The following ASIC2 variants were observed in gnomAD, a reference collection of about 807,000 sequenced individuals.
ASIC2 encodes acid-sensing ion channel 2.
ASIC2 carries 25 observed loss-of-function variants against 57.3 expected under a neutral mutation model. The ratio of observed to expected loss-of-function variants is 0.44; its 90% CI spans 0.32 to 0.61. The LOEUF (loss-of-function observed/expected upper bound fraction) is 0.61, where lower values mean the gene tolerates loss of function less well. Among genes scored for constraint, ASIC2 ranks in the 20% least tolerant of loss-of-function variants. The pLI is 0.06. For synonymous variants in ASIC2, 319 were observed against 307.5 expected, an observed-to-expected ratio of 1.04 and a Z score of -0.39; for missense variants, 641 against 738.1, an observed-to-expected ratio of 0.87 and a Z score of 1.52.
chr17:33,836,794 A>G (rs1913286943), intron 1 of ASIC2, among the ~76,000 whole-genome samples: 1 of 152,138 alleles, frequency 6.6e-6, no homozygotes, highest in Non-Finnish European at 1.5e-5. Context: ...CGGAGTTTAC[A>G]GTAAGCCAAG....
chr17:33,173,943 G>A (rs2142051407), intron 1 of ASIC2, among the ~76,000 whole-genome samples: 1 of 152,214 alleles, frequency 6.6e-6, no homozygotes, highest in African/African-American at 2.4e-5. Context: ...TTGAAGTGTT[G>A]AGCTGCTCCA....
At chr17:33,358,767 T>C (rs1239564247) in intron 1 of ASIC2, among the ~76,000 whole-genome samples, 1 of 152,216 alleles carries the variant, frequency 6.6e-6, no homozygotes, top group South Asian at 2.1e-4. Flanking sequence ...TTTATAGTAA[T>C]GGAAAATAGT....
At chr17:33,058,889 T>C (rs889766564) in intron 3 of ASIC2, among the ~76,000 whole-genome samples, 1 of 152,164 alleles carries the variant, frequency 6.6e-6, no homozygotes, top group Non-Finnish European at 1.5e-5. Flanking sequence ...GCAATTCAAG[T>C]GTTCAACAAT....
At chr17:33,767,342 G>A (rs921893528) in intron 1 of ASIC2, among the ~76,000 whole-genome samples, 3 of 152,218 alleles carry the variant, frequency 2.0e-5, no homozygotes, top group Admixed American at 6.5e-5. Context: ...TGATGTTGAA[G>A]GAAACTCACT....
At chr17:33,184,653 T>A (rs1906117374) in intron 1 of ASIC2, among the ~76,000 whole-genome samples, 1 of 152,126 alleles carries the variant, frequency 6.6e-6, no homozygotes, top group Non-Finnish European at 1.5e-5. Flanking sequence ...GCCCCTCAAC[T>A]CCACTTCCAT....
At chr17:33,223,626 T>A (rs1376010527) in intron 1 of ASIC2, among the ~76,000 whole-genome samples, 1 of 152,248 alleles carries the variant, frequency 6.6e-6, no homozygotes, top group Admixed American at 6.5e-5. Context: ...AAAAAGGGAA[T>A]CTGACTGGCG....
chr17:33,796,109 T>C (rs552359635), intron 1 of ASIC2, among the ~76,000 whole-genome samples: 84 of 152,222 alleles, frequency 5.5e-4, no homozygotes, highest in Non-Finnish European at 1.0e-3. Context: ...GGCTTCTTCT[T>C]GCCCTTGGTT....
chr17:33,989,360 C>A (rs1185688047), intron 1 of ASIC2, among the ~76,000 whole-genome samples: 1 of 151,960 alleles, frequency 6.6e-6, no homozygotes, highest in South Asian at 2.1e-4. Flanking sequence ...CAGAAGGACA[C>A]GGCAAAGGTG....
At chr17:33,318,686 TC>T (rs1440143304) in intron 1 of ASIC2, among the ~76,000 whole-genome samples, 1 of 152,082 alleles carries the variant, frequency 6.6e-6, no homozygotes, top group Non-Finnish European at 1.5e-5. Context: ...GGAAGGTAAA[TC>T]CCCTGAGATC....
rs1356302162 is a variant in ASIC2, at chr17:33,436,853, C to CTTCTTTT, written c.556-324787_556-324786insAAAAGAA. Among the ~76,000 whole-genome samples the CTTCTTTT allele has an allele frequency of 7.6e-3, 503 of 66,572 alleles. 36 individuals are homozygous for CTTCTTTT. The highest frequency in any genetic ancestry group is 0.011 in the South Asian group (17 of 1,568). The allele number at this position is 66,572 out of a possible 152,430, so 43.7% of individuals were successfully genotyped here. ...AATGCCTTAAAACACATTCCAACTT[C>CTTCTTTT]TTTTTTTTTTTTTTTTTTTTTTTTT... On this transcript the variant is annotated intron_variant, in intron 1 of 9. Transcript: ENST00000359872.
rs186168278 is a variant in ASIC2, at chr17:33,820,626, A to T, written c.555+335352T>A. ...TAAGTTTACAAAGCTAAAGAGTATT[A>T]AAAAACATTTGCATTCTGAAATTAA... On this transcript the variant is annotated intron_variant, in intron 1 of 9. Coordinates refer to the ASIC2 transcript ENST00000359872. 3.2e-4 allele frequency among the ~76,000 whole-genome samples: 49 copies of T among 152,350 alleles called. No individual in the cohort carries two copies. In the East Asian group the frequency reaches 9.2e-3, roughly 29 times the overall value.
At chr17:33,266,576 G>C (rs1909468146) in intron 1 of ASIC2, among the ~76,000 whole-genome samples, 1 of 123,930 alleles carries the variant, frequency 8.1e-6, no homozygotes. Flanking sequence ...ACATGTGGCA[G>C]ACCCTGCTGT....
intron 1 of ASIC2, among the ~76,000 whole-genome samples, chr17:33,138,619 C>A (rs1023870950): frequency 2.0e-5 from 3 of 152,190 alleles, no homozygotes; most frequent in Non-Finnish European, 4.4e-5. Context: ...TCCTGCCCCA[C>A]CTTCCTGCCA....
At chr17:34,080,746 G>C (rs948320909) in intron 1 of ASIC2, 1 of 152,202 alleles carries the variant, frequency 6.6e-6, no homozygotes, top group Non-Finnish European at 1.5e-5. Flanking sequence ...TCAGACATAG[G>C]AACTGAACGG....
At chr17:33,777,560 T>A (rs1257597507) in intron 1 of ASIC2, among the ~76,000 whole-genome samples, 1 of 147,642 alleles carries the variant, frequency 6.8e-6, no homozygotes, top group Non-Finnish European at 1.5e-5. Flanking sequence ...GGCTGCAGAC[T>A]GAGCTCAAGC....
Position 34,132,932 on chromosome 17 carries a change from C to T in ASIC2, c.555+23046G>A, listed in dbSNP as rs546306755. Among the ~76,000 whole-genome samples, 4 of 152,332 alleles carry T rather than the reference C, an allele frequency of 2.6e-5. No individual in the cohort carries two copies. The South Asian group carries it at 8.3e-4, about 32-fold the overall frequency. Reference sequence around the variant, plus strand: ...GGCTCCCTAGAAGCACAGTCTCCTCCACAGAGGGACCTAGGCCCCAATCTA... The same window carrying T: ...GGCTCCCTAGAAGCACAGTCTCCTCTACAGAGGGACCTAGGCCCCAATCTA... On this transcript the variant is annotated intron_variant, in intron 1 of 9. Transcript: ENST00000359872.
chr17:33,068,134 G>A (rs2092051535), intron 3 of ASIC2, among the ~76,000 whole-genome samples: 1 of 152,130 alleles, frequency 6.6e-6, no homozygotes, highest in Non-Finnish European at 1.5e-5. Context: ...GCTTCTAGGT[G>A]ACTGGACCTG....
chr17:33,273,273 A>C (rs1904578120), intron 1 of ASIC2, among the ~76,000 whole-genome samples: 2 of 152,228 alleles, frequency 1.3e-5, no homozygotes, highest in African/African-American at 4.8e-5. Context: ...TACAAGCTGG[A>C]GTGGAGAATT....
At position 33,983,934 on chromosome 17, in the gene ASIC2, G is replaced by A. The variant is rs117214357; in HGVS notation, c.555+172044C>T. 9.3e-3 allele frequency among the ~76,000 whole-genome samples: 1,413 copies of A among 152,314 alleles called. 11 individuals carry two copies. Among genetic ancestry groups the A allele is most frequent in the Non-Finnish European group, 0.015 (1,052 of 68,028 alleles). Reference sequence around the variant, plus strand: ...TTAAAATGCCAGTAATGCCCAGGTTGAGAAGCCCTCTGTTTGTGCTGGCAA... The same window carrying A: ...TTAAAATGCCAGTAATGCCCAGGTTAAGAAGCCCTCTGTTTGTGCTGGCAA... On this transcript the variant is annotated intron_variant, in intron 1 of 9. Transcript: ENST00000359872.
Sources: gnomAD v4.1 joint callset for allele counts (sites outside exome capture counted in the v4.1 genomes callset) on GRCh38, gnomAD v4.1.1 for gene constraint, MANE v1.5 for transcripts, NCBI Gene and HGNC (gene_info 2026-07-23, HGNC 2026-07-21) for gene names.